The following NKAIN3 variants were observed in gnomAD, a reference collection of about 807,000 sequenced individuals.
NKAIN3 encodes sodium/potassium transporting ATPase interacting 3.
A neutral mutation model predicts 30.2 loss-of-function variants in NKAIN3; 25 were observed. That is an observed-to-expected ratio of 0.83 (90% CI 0.60 to 1.16). NKAIN3 has a LOEUF of 1.16. Ranked by LOEUF, NKAIN3 falls within the 50% of genes most tolerant of loss-of-function variation. NKAIN3 has a pLI of 0.00. For synonymous variants in NKAIN3, 91 were observed against 89.6 expected, an observed-to-expected ratio of 1.02 and a Z score of -0.09; for missense variants, 225 against 254.1, an observed-to-expected ratio of 0.89 and a Z score of 0.78.
intron 4 of NKAIN3, among the ~76,000 whole-genome samples, chr8:62,799,216 A>G (rs1003193029): frequency 1.3e-5 from 2 of 152,194 alleles, no homozygotes; most frequent in Non-Finnish European, 2.9e-5. Context: ...TGTTTGGAGC[A>G]TATTTCCTAC....
chr8:62,836,546 T>C (rs768402588), intron 4 of NKAIN3, among the ~76,000 whole-genome samples: 2 of 152,152 alleles, frequency 1.3e-5, no homozygotes, highest in African/African-American at 2.4e-5. Context: ...GTCTGACCTT[T>C]TCTGGTTGTC....
At chr8:62,937,156 G>T (rs937238426) in intron 5 of NKAIN3, among the ~76,000 whole-genome samples, 1 of 152,072 alleles carries the variant, frequency 6.6e-6, no homozygotes, top group Non-Finnish European at 1.5e-5. Flanking sequence ...ACATTGCAAA[G>T]AAAATGGCAG....
At chr8:62,572,734 A>G (rs1012169393) in intron 1 of NKAIN3, among the ~76,000 whole-genome samples, 1 of 152,092 alleles carries the variant, frequency 6.6e-6, no homozygotes, top group African/African-American at 2.4e-5. Flanking sequence ...TAAAACCATT[A>G]GATCTCATGA....
At chr8:62,437,148 A>G (rs1312778286) in intron 1 of NKAIN3, among the ~76,000 whole-genome samples, 1 of 122,834 alleles carries the variant, frequency 8.1e-6, no homozygotes, top group East Asian at 2.1e-4. Context: ...GAACAGAGGT[A>G]GAATAGATTT....
chr8:62,377,282 T>C (rs546990758), intron 1 of NKAIN3, among the ~76,000 whole-genome samples: 7 of 152,320 alleles, frequency 4.6e-5, no homozygotes, highest in Middle Eastern at 3.4e-3. Flanking sequence ...TTCATATACA[T>C]AAACACAGCT....
chr8:62,910,826 A>T (rs1821905697), intron 4 of NKAIN3, among the ~76,000 whole-genome samples: 1 of 151,682 alleles, frequency 6.6e-6, no homozygotes, highest in African/African-American at 2.4e-5. Flanking sequence ...TTAACTCTAC[A>T]TATTGATATG....
At position 62,973,477 on chromosome 8, in the gene NKAIN3, G is replaced by A. The variant is rs932479129; in HGVS notation, c.*8070G>A. Among the ~76,000 whole-genome samples, 2 of 151,994 alleles carry A rather than the reference G, an allele frequency of 1.3e-5. No homozygotes were observed. Among genetic ancestry groups the A allele is most frequent in the Admixed American group, 1.3e-4 (2 of 15,254 alleles). On this transcript the variant is annotated 3_prime_UTR_variant, in exon 7 of 7. Transcript: ENST00000623646. The stretch of plus-strand genomic sequence containing the variant: ...GCATAAATGTCTTCTTTTAAGAAGT[G>A]TCTATTCATATCCTTAACCCACTTT...
At chr8:62,525,266 A>T (rs1306278652) in intron 1 of NKAIN3, among the ~76,000 whole-genome samples, 1 of 151,916 alleles carries the variant, frequency 6.6e-6, no homozygotes, top group African/African-American at 2.4e-5. Flanking sequence ...CAAAACTGAC[A>T]TTTCAAAAGA....
intron 1 of NKAIN3, among the ~76,000 whole-genome samples, chr8:62,266,848 A>G (rs191224416): frequency 6.4e-4 from 98 of 152,282 alleles, no homozygotes; most frequent in African/African-American, 2.3e-3. Context: ...CCACCCTTTA[A>G]TTTGTATATA....
At chr8:62,723,820 C>T (rs906319726) in intron 3 of NKAIN3, among the ~76,000 whole-genome samples, 2 of 152,008 alleles carry the variant, frequency 1.3e-5, no homozygotes, top group African/African-American at 4.8e-5. Flanking sequence ...GTAGACAAAG[C>T]AGTATAAAGG....
intron 1 of NKAIN3, among the ~76,000 whole-genome samples, chr8:62,369,963 G>T (rs1017915930): frequency 1.7e-4 from 26 of 151,968 alleles, no homozygotes; most frequent in Admixed American, 1.7e-3. Context: ...GCCTTACAAA[G>T]TACAGTAGTT....
At chr8:62,990,776 T>C (rs1241182654) in intron 5 of NKAIN3, 4 of 152,190 alleles carry the variant, frequency 2.6e-5, no homozygotes, top group Non-Finnish European at 5.9e-5. Flanking sequence ...TAATTACACA[T>C]TGAGGGACCA....
At position 62,748,142 on chromosome 8, in the gene NKAIN3, C is replaced by T. The variant is rs1220530622; in HGVS notation, c.471+1013C>T. On this transcript the variant is annotated intron_variant, in intron 4 of 6. Coordinates refer to ENST00000623646, the MANE Select transcript of NKAIN3 (RefSeq NM_001304533.3). ...GTGCATTAGGAATTTGGGCACATCTCAGCCAGGTAGTTCTTCTGCTTTATG... is the reference window on the plus strand; with the variant it reads ...GTGCATTAGGAATTTGGGCACATCTTAGCCAGGTAGTTCTTCTGCTTTATG... Among the ~76,000 whole-genome samples, 4 of 152,200 alleles carry T rather than the reference C, an allele frequency of 2.6e-5. No homozygotes were observed. In the East Asian group the frequency reaches 5.8e-4, roughly 22 times the overall value.
chr8:62,913,919 G>A (rs148452738), intron 4 of NKAIN3, among the ~76,000 whole-genome samples: 4 of 152,244 alleles, frequency 2.6e-5, no homozygotes, highest in Admixed American at 6.5e-5. Context: ...GTCAACCGTC[G>A]TGAAAATCGG....
chr8:62,447,285 T>C (rs1805514290), intron 1 of NKAIN3, among the ~76,000 whole-genome samples: 1 of 152,030 alleles, frequency 6.6e-6, no homozygotes, highest in African/African-American at 2.4e-5. Flanking sequence ...TTGAAAATAT[T>C]GTATTTAATT....
intron 1 of NKAIN3, among the ~76,000 whole-genome samples, chr8:62,558,948 A>G (rs1344142607): frequency 6.6e-6 from 1 of 152,036 alleles, no homozygotes; most frequent in African/African-American, 2.4e-5. Flanking sequence ...TAGCTTAATT[A>G]GAAGTGTGTT....
intron 1 of NKAIN3, among the ~76,000 whole-genome samples, chr8:62,470,396 A>G (rs564803067): frequency 6.6e-6 from 1 of 152,254 alleles, no homozygotes; most frequent in East Asian, 1.9e-4. Context: ...ATTGGGAACA[A>G]TTTCTTTGGA....
intron 1 of NKAIN3, among the ~76,000 whole-genome samples, chr8:62,463,277 G>T (rs1256662703): frequency 1.3e-5 from 2 of 152,060 alleles, no homozygotes; most frequent in Non-Finnish European, 2.9e-5. Flanking sequence ...ATCTATCTTA[G>T]GCACAGTGGA....
At chr8:62,731,688 C>T (rs767034896) in intron 3 of NKAIN3, among the ~76,000 whole-genome samples, 2 of 152,114 alleles carry the variant, frequency 1.3e-5, no homozygotes, top group Non-Finnish European at 2.9e-5. Context: ...GCCCCCGAAA[C>T]CGCAAAAGCC....
Sources: allele counts gnomAD v4.1 joint callset (sites outside exome capture counted in the v4.1 genomes callset), GRCh38; gene constraint gnomAD v4.1.1; transcripts MANE v1.5; gene names NCBI Gene and HGNC (gene_info 2026-07-23, HGNC 2026-07-21).